Variants in RBFOX1 observed in about 807,000 individuals in gnomAD.
RBFOX1 encodes the protein RNA binding fox-1 homolog 1.
A neutral mutation model predicts 57.7 loss-of-function variants in RBFOX1; 8 were observed. The observed-to-expected ratio is 0.14, with a 90% CI of 0.08 to 0.25. The LOEUF (loss-of-function observed/expected upper bound fraction) is 0.25, where lower values mean the gene tolerates loss of function less well. RBFOX1 is among the 10% of genes least tolerant of loss of function. The probability of loss-of-function intolerance (pLI) is 1.00; values close to 1 mark genes in which losing one functional copy is unlikely to be tolerated. For synonymous variants in RBFOX1, 326 were observed against 222.4 expected (o/e 1.47, Z -4.15); for missense variants, 611 against 548.5 (o/e 1.11, Z -1.14).
intron 1 of RBFOX1, among the ~76,000 whole-genome samples, chr16:6,200,723 G>A (rs2097209393): frequency 6.6e-6 from 1 of 152,170 alleles, no homozygotes; most frequent in Non-Finnish European, 1.5e-5. Context: ...CACGTCTGAA[G>A]GGTTGTGTCT....
At chr16:6,258,426 G>A (rs1428384149) in intron 1 of RBFOX1, among the ~76,000 whole-genome samples, 2 of 152,110 alleles carry the variant, frequency 1.3e-5, no homozygotes, top group Non-Finnish European at 2.9e-5. Flanking sequence ...TTTTGATTGT[G>A]TGCCCGTGTG....
chr16:6,523,421 T>G (rs79001690), intron 2 of RBFOX1, among the ~76,000 whole-genome samples: 2,343 of 152,258 alleles, frequency 0.015, 54 homozygotes, highest in African/African-American at 0.053. Context: ...ATGTTAACGG[T>G]CATTGAACAT....
At chr16:7,003,102 C>A (rs970847116) in intron 3 of RBFOX1, among the ~76,000 whole-genome samples, 1 of 151,752 alleles carries the variant, frequency 6.6e-6, no homozygotes, top group Non-Finnish European at 1.5e-5. Flanking sequence ...AAAGAATAGT[C>A]TTGCAGGAGC....
intron 3 of RBFOX1, among the ~76,000 whole-genome samples, chr16:6,925,633 A>T (rs1176087396): frequency 6.6e-6 from 1 of 151,974 alleles, no homozygotes; most frequent in Non-Finnish European, 1.5e-5. Flanking sequence ...AGTAAATAAG[A>T]TAGTGGCTAC....
At chr16:6,930,072 T>C (rs1231099936) in intron 3 of RBFOX1, among the ~76,000 whole-genome samples, 12 of 152,310 alleles carry the variant, frequency 7.9e-5, no homozygotes, top group Admixed American at 6.5e-4. Context: ...CCAGCCCTGC[T>C]GGTTATGCTG....
chr16:6,109,277 G>A lies in RBFOX1; in HGVS notation c.-127+89285G>A, dbSNP rs1169325678. 8.2e-4 allele frequency among the ~76,000 whole-genome samples: 125 copies of A among 152,018 alleles called. 2 individuals carry two copies. Among genetic ancestry groups the A allele is most frequent in the Non-Finnish European group, 2.9e-5 (2 of 67,984 alleles). On this transcript the variant is annotated intron_variant, in intron 1 of 15. Coordinates refer to ENST00000550418, the MANE Select transcript of RBFOX1 (RefSeq NM_018723.4). ...TGAAAAGCATTTCTTGATCATCTTTGGATCAATATGTAATATTTATATTTC... is the reference window on the plus strand; with the variant it reads ...TGAAAAGCATTTCTTGATCATCTTTAGATCAATATGTAATATTTATATTTC...
At chr16:6,938,386 C>G (rs1483046271) in intron 3 of RBFOX1, among the ~76,000 whole-genome samples, 1 of 152,106 alleles carries the variant, frequency 6.6e-6, no homozygotes, top group East Asian at 1.9e-4. Context: ...AGAGCATTAC[C>G]TGGAAAATAG....
At chr16:5,787,358 ATGT>A (rs1229917792) in intron 3 of RBFOX1, among the ~76,000 whole-genome samples, 1 of 152,144 alleles carries the variant, frequency 6.6e-6, no homozygotes, top group Non-Finnish European at 1.5e-5. Flanking sequence ...AAGACCAATG[ATGT>A]TTCCTGGCAA....
intron 4 of RBFOX1, among the ~76,000 whole-genome samples, chr16:7,280,316 A>G (rs538357326): frequency 6.6e-6 from 1 of 152,292 alleles, no homozygotes; most frequent in African/African-American, 2.4e-5. Context: ...TCCAGAATAG[A>G]GTCCTTCTTC....
At chr16:7,082,079 C>A (rs958815568) in intron 4 of RBFOX1, among the ~76,000 whole-genome samples, 5 of 152,158 alleles carry the variant, frequency 3.3e-5, no homozygotes, top group South Asian at 2.1e-4. Context: ...GTAACCACCC[C>A]AATTTGCAGG....
chr16:7,257,795 G>A (rs891714104), intron 4 of RBFOX1, among the ~76,000 whole-genome samples: 16 of 152,188 alleles, frequency 1.1e-4, no homozygotes, highest in African/African-American at 3.6e-4. Context: ...AGGGCTGCAA[G>A]AGCTATCATC....
intron 1 of RBFOX1, among the ~76,000 whole-genome samples, chr16:6,152,765 A>C (rs1271877283): frequency 6.6e-6 from 1 of 152,222 alleles, no homozygotes; most frequent in African/African-American, 2.4e-5. Context: ...TTCTCAGCAG[A>C]AAACAGACCC....
rs895481788 is a variant in RBFOX1 at position 7,676,936 on chromosome 16, G to C, written c.995+98G>C. On this transcript the variant is annotated intron_variant, in intron 14 of 15. Coordinates refer to ENST00000550418, the MANE Select transcript of RBFOX1 (RefSeq NM_018723.4). The stretch of plus-strand genomic sequence containing the variant: ...ATGGTCTTGGTGAAACTGCATGACT[G>C]CTGGGGGAGGTAGCACCCCAAAAGT... 2.4e-6 allele frequency: 3 copies of C among 1,250,718 alleles called. No homozygotes were observed. The African/African-American group carries it at 4.4e-5, about 18-fold the overall frequency. 77.5% of individuals were successfully genotyped at this position (1,250,718 alleles called of 1,614,324 possible).
chr16:7,604,796 C>A (rs550123868), intron 9 of RBFOX1, among the ~76,000 whole-genome samples: 1 of 152,036 alleles, frequency 6.6e-6, no homozygotes, highest in Non-Finnish European at 1.5e-5. Flanking sequence ...GATAAGTATA[C>A]CTTCAGTGAA....
chr16:5,670,412 G>A (rs2049981754), intron 3 of RBFOX1, among the ~76,000 whole-genome samples: 1 of 152,160 alleles, frequency 6.6e-6, no homozygotes, highest in Non-Finnish European at 1.5e-5. Context: ...AAATTATTCT[G>A]TAGCCCATGT....
chr16:6,996,522 T>G (rs1387635409), intron 3 of RBFOX1, among the ~76,000 whole-genome samples: 2 of 152,202 alleles, frequency 1.3e-5, no homozygotes, highest in East Asian at 3.9e-4. Context: ...AAGTAGGGCT[T>G]GCATACATTG....
chr16:7,113,307 T>G (rs1039950053), intron 4 of RBFOX1, among the ~76,000 whole-genome samples: 4 of 152,174 alleles, frequency 2.6e-5, no homozygotes, highest in Non-Finnish European at 5.9e-5. Context: ...GTTTTTTATC[T>G]TTTTTTGGAC....
At chr16:7,378,431 G>T (rs1048052047) in intron 4 of RBFOX1, among the ~76,000 whole-genome samples, 1 of 152,164 alleles carries the variant, frequency 6.6e-6, no homozygotes, top group Non-Finnish European at 1.5e-5. Flanking sequence ...ACTGTTAGCG[G>T]AATCCATTTC....
intron 4 of RBFOX1, among the ~76,000 whole-genome samples, chr16:7,206,913 C>T (rs1324789037): frequency 1.3e-5 from 2 of 152,142 alleles, no homozygotes; most frequent in Non-Finnish European, 2.9e-5. Context: ...TTTATTGCTT[C>T]TTACAGCATG....
Sources: gnomAD v4.1 joint callset for allele counts (sites outside exome capture counted in the v4.1 genomes callset) on GRCh38, gnomAD v4.1.1 for gene constraint, MANE v1.5 for transcripts, NCBI Gene and HGNC (gene_info 2026-07-23, HGNC 2026-07-21) for gene names.